UGT2A2: variants seen among roughly 807,000 people sequenced by gnomAD.
The protein encoded by UGT2A2 is UDP-glucuronosyltransferase 2A2.
In UGT2A2, 60 loss-of-function variants were observed where a neutral mutation model predicts 50.7. The ratio of observed to expected loss-of-function variants is 1.18; its 90% CI spans 0.96 to 1.47. UGT2A2 has a LOEUF of 1.47. Ranked by LOEUF, UGT2A2 falls within the 40% of genes most tolerant of loss-of-function variation. The pLI is 0.00. For missense variants in UGT2A2, 762 were observed against 634.0 expected, an observed-to-expected ratio of 1.20 and a Z score of -2.17; for synonymous variants, 242 against 214.6, an observed-to-expected ratio of 1.13 and a Z score of -1.11.
At chr4:69,613,660 A>G (rs1461538386) in intron 1 of UGT2A2, among the ~76,000 whole-genome samples, 2 of 151,992 alleles carry the variant, frequency 1.3e-5, no homozygotes, top group South Asian at 2.1e-4. Flanking sequence ...TGGATGCAAA[A>G]ATTTTTCAAC....
rs1022070237 is a variant in UGT2A2, at chr4:69,602,950, C to T, written c.743-3556G>A. On this transcript the variant is annotated intron_variant, in intron 1 of 5. Coordinates refer to ENST00000604629, the MANE Select transcript of UGT2A2 (RefSeq NM_001105677.2). ...GGGCGTGGTGGCAGGTGCCTGTAAT[C>T]CCAGATACTCTAGAGGCTGAGGCAG... is the stretch of plus-strand genomic sequence containing the variant. Among the ~76,000 whole-genome samples, 8 of 135,200 alleles carry T rather than the reference C, an allele frequency of 5.9e-5. 1 individual carries two copies. The highest frequency in any genetic ancestry group is 1.3e-4 in the Non-Finnish European group (8 of 63,888). The allele number at this position is 135,200 out of a possible 152,430, so 88.7% of individuals were successfully genotyped here.
At chr4:69,636,831 A>G (rs1389059390) in intron 1 of UGT2A2, among the ~76,000 whole-genome samples, 1 of 152,172 alleles carries the variant, frequency 6.6e-6, no homozygotes, top group Non-Finnish European at 1.5e-5. Context: ...TAACGAATAT[A>G]GTGAAATTTT....
At chr4:69,594,351 T>C in intron 5 of UGT2A2, 126 bp downstream of exon 5, 1 of 1,267,760 alleles carries the variant, frequency 7.9e-7, no homozygotes, top group Non-Finnish European at 1.1e-6. Context: ...TAAAATAGTT[T>C]TTATATTGGT....
intron 4 of UGT2A2, among the ~76,000 whole-genome samples, 173 bp from the exon 5 acceptor site, chr4:69,594,869 G>C (rs1477186737): frequency 2.0e-5 from 3 of 152,150 alleles, no homozygotes; most frequent in Non-Finnish European, 4.4e-5. Context: ...CCCAGGAAAA[G>C]CAGTAATTAA....
chr4:69,632,307 T>C (rs1022214018), intron 1 of UGT2A2, among the ~76,000 whole-genome samples: 2 of 152,160 alleles, frequency 1.3e-5, no homozygotes, highest in African/African-American at 4.8e-5. Context: ...TTGGGGTTAA[T>C]AAGGGGTCTG....
intron 5 of UGT2A2, among the ~76,000 whole-genome samples, chr4:69,593,769 T>C (rs1718722840): frequency 6.6e-6 from 1 of 151,860 alleles, no homozygotes; most frequent in South Asian, 2.1e-4. Context: ...GAATGGTATA[T>C]ACTCAGTGTG....
At chr4:69,611,645 T>C (rs888294083) in intron 1 of UGT2A2, among the ~76,000 whole-genome samples, 1 of 152,114 alleles carries the variant, frequency 6.6e-6, no homozygotes, top group Non-Finnish European at 1.5e-5. Flanking sequence ...TTTAAAACTA[T>C]GGGATTATTT....
At chr4:69,620,969 A>T (rs1720718881) in intron 1 of UGT2A2, among the ~76,000 whole-genome samples, 1 of 152,108 alleles carries the variant, frequency 6.6e-6, no homozygotes, top group African/African-American at 2.4e-5. Context: ...CCAAAACTGG[A>T]CCCCTTTCTT....
At chr4:69,638,749 G>A (rs1034843731) in intron 1 of UGT2A2, 150 bp downstream of exon 1, 2 of 1,042,938 alleles carry the variant, frequency 1.9e-6, no homozygotes, top group East Asian at 5.4e-5. Context: ...TTTATTCAAA[G>A]AGAATAATCA....
chr4:69,596,213 TA>T, intron 3 of UGT2A2, 36 bp downstream of exon 3: 1 of 1,459,470 alleles, frequency 6.9e-7, no homozygotes, highest in South Asian at 1.6e-5. Flanking sequence ...CTCCCATTAG[TA>T]AAAAGCTGTG....
chr4:69,632,081 G>T (rs531713168), intron 1 of UGT2A2, among the ~76,000 whole-genome samples: 1 of 152,026 alleles, frequency 6.6e-6, no homozygotes, highest in Non-Finnish European at 1.5e-5. Flanking sequence ...ATTTTTGAAA[G>T]AGATTCACGA....
In UGT2A2 at chr4:69,639,411, G is replaced by A; in HGVS notation, c.230C>T (p.Pro77Leu). Residue 77 changes from proline (P) to leucine (L), a missense_variant, in exon 1 of 6, where the codon CCT becomes CTT. By Grantham distance (98) the Pro-to-Leu change is moderately conservative. Coordinates refer to ENST00000604629, the MANE Select transcript of UGT2A2 (RefSeq NM_001105677.2). ...TLFINSNPDSPVNFEVIPVSY... is the reference protein window; with the variant it reads ...TLFINSNPDSLVNFEVIPVSY... Reference sequence around the variant, plus strand: ...AACAGGTATCACTTCAAAATTCACAGGAGAATCGGGATTGGAGTTGATGAA... The same window carrying A: ...AACAGGTATCACTTCAAAATTCACAAGAGAATCGGGATTGGAGTTGATGAA... 1 of 1,613,314 alleles carries A rather than the reference G, an allele frequency of 6.2e-7. No individual in the cohort carries two copies. Among genetic ancestry groups the A allele is most frequent in the Non-Finnish European group, 8.5e-7 (1 of 1,179,584 alleles).
chr4:69,635,488 GAACT>G (rs1286959971), intron 1 of UGT2A2, among the ~76,000 whole-genome samples: 1 of 152,140 alleles, frequency 6.6e-6, no homozygotes, highest in Non-Finnish European at 1.5e-5. Flanking sequence ...TCTACAGTGA[GAACT>G]ATCTATTTGC....
chr4:69,621,508 C>A (rs1348270506), intron 1 of UGT2A2, among the ~76,000 whole-genome samples: 1 of 151,862 alleles, frequency 6.6e-6, no homozygotes, highest in Non-Finnish European at 1.5e-5. Flanking sequence ...ATAACAGATG[C>A]TGGCGAGGTT....
chr4:69,589,743 T>G, intron 5 of UGT2A2, 92 bp from the exon 6 acceptor site: 1 of 1,495,910 alleles, frequency 6.7e-7, no homozygotes, highest in South Asian at 1.4e-5. Flanking sequence ...TCTACAAGTT[T>G]AAGGCCATAG....
At chr4:69,632,383 C>A (rs911402723) in intron 1 of UGT2A2, among the ~76,000 whole-genome samples, 1 of 152,012 alleles carries the variant, frequency 6.6e-6, no homozygotes. Context: ...ACACACAGCA[C>A]CTTTCAGAAT....
chr4:69,637,417 T>A (rs1399555711), intron 1 of UGT2A2, among the ~76,000 whole-genome samples: 1 of 152,148 alleles, frequency 6.6e-6, no homozygotes, highest in African/African-American at 2.4e-5. Flanking sequence ...ATACCCCTTG[T>A]GAAAGGTAAG....
At position 69,634,031 on chromosome 4, in the gene UGT2A2, C is replaced by T. The variant is rs558063637; in HGVS notation, c.742+4868G>A. Among the ~76,000 whole-genome samples, 669 of 151,980 alleles carry T rather than the reference C, an allele frequency of 4.4e-3. 7 individuals are homozygous for T. The highest frequency in any genetic ancestry group is 0.015 in the African/African-American group (614 of 41,494). ...GAGGCCGAGGCGGGCGGATCAGGAG[C>T]TCAGGAGATCGAGACCATCCTGGCT... is the stretch of plus-strand genomic sequence containing the variant. On this transcript the variant is annotated intron_variant, in intron 1 of 5. Transcript: ENST00000604629.
intron 1 of UGT2A2, chr4:69,603,726 C>A (rs1236803523): frequency 7.3e-6 from 1 of 136,234 alleles, no homozygotes. Flanking sequence ...CCTTAAAGGA[C>A]CTGATGGAGC....
Sources: allele counts gnomAD v4.1 joint callset (sites outside exome capture counted in the v4.1 genomes callset), GRCh38; gene constraint gnomAD v4.1.1; transcripts MANE v1.5; gene names NCBI Gene and HGNC (gene_info 2026-07-23, HGNC 2026-07-21).